The following ZNF670 variants were observed in gnomAD, a reference collection of about 807,000 sequenced individuals.
The protein encoded by ZNF670 is zinc finger protein 670.
ZNF670 carries 7 observed loss-of-function variants against 10.9 expected under a neutral mutation model. The ratio of observed to expected loss-of-function variants is 0.64; its 90% CI spans 0.36 to 1.20. The LOEUF (loss-of-function observed/expected upper bound fraction) is 1.20, where lower values mean the gene tolerates loss of function less well. Ranked by LOEUF, ZNF670 falls within the 50% of genes most tolerant of loss-of-function variation. The probability of loss-of-function intolerance (pLI) is 0.02; values close to 1 mark genes in which losing one functional copy is unlikely to be tolerated. For missense variants in ZNF670, 446 were observed against 458.6 expected (o/e 0.97, Z 0.25); for synonymous variants, 136 against 152.7 (o/e 0.89, Z 0.81).
chr1:247,057,184 G>C (rs1670740355), intron 1 of ZNF670, among the ~76,000 whole-genome samples: 1 of 152,082 alleles, frequency 6.6e-6, no homozygotes, highest in Non-Finnish European at 1.5e-5. Flanking sequence ...CCAAAAATGG[G>C]CAAATAATCC....
chr1:247,043,567 A>G lies in ZNF670; in HGVS notation c.4-4030T>C, dbSNP rs1253834141. 6 of 652,694 alleles carry G rather than the reference A, an allele frequency of 9.2e-6. 1 individual carries two copies. The highest frequency in any genetic ancestry group is 8.2e-5 in the South Asian group (6 of 73,344). 40.4% of individuals were successfully genotyped at this position (652,694 alleles called of 1,614,324 possible). On this transcript the variant is annotated intron_variant, in intron 1 of 3. Coordinates refer to ENST00000366503, the MANE Select transcript of ZNF670 (RefSeq NM_033213.5). ...AGGATGAACTTCAACAAAGCTTCCA[A>G]AAGTCTCACAATTCACTTCAGCATT... is the stretch of plus-strand genomic sequence containing the variant.
chr1:247,064,837 C>T (rs1670945748), intron 1 of ZNF670, among the ~76,000 whole-genome samples: 1 of 152,126 alleles, frequency 6.6e-6, no homozygotes, highest in Admixed American at 6.5e-5. Context: ...CTGGGTCTCA[C>T]TCTGTCACCC....
intron 1 of ZNF670, among the ~76,000 whole-genome samples, chr1:247,063,562 G>T (rs1318730345): frequency 7.7e-6 from 1 of 130,582 alleles, no homozygotes; most frequent in Non-Finnish European, 1.6e-5. Flanking sequence ...CAGCCTGGGC[G>T]ACAGAGCGAG....
intron 1 of ZNF670, among the ~76,000 whole-genome samples, chr1:247,048,768 G>A (rs1184595514): frequency 1.3e-5 from 2 of 152,170 alleles, no homozygotes; most frequent in Non-Finnish European, 1.5e-5. Context: ...ATGGTGGTAG[G>A]AAGAAGAATG....
intron 1 of ZNF670, among the ~76,000 whole-genome samples, chr1:247,072,797 AGTG>A (rs1396583131): frequency 4.9e-5 from 4 of 81,168 alleles, no homozygotes; most frequent in African/African-American, 1.7e-4. Context: ...CAAAAAAAAA[AGTG>A]TGTGTATATA....
rs182015261 is a variant in ZNF670, at chr1:247,063,826, C to T, written c.3+14768G>A. 4.6e-5 allele frequency among the ~76,000 whole-genome samples: 7 copies of T among 152,304 alleles called. No individual in the cohort carries two copies. The East Asian group carries it at 9.7e-4, about 21-fold the overall frequency. Reference sequence around the variant, plus strand: ...TCCTCCGATGACTCTCCCGTCACAGCCACACAATCTGAGGGAGACATGGGG... The same window carrying T: ...TCCTCCGATGACTCTCCCGTCACAGTCACACAATCTGAGGGAGACATGGGG... On this transcript the variant is annotated intron_variant, in intron 1 of 3. Transcript: ENST00000366503.
intron 1 of ZNF670, chr1:247,043,231 A>C: frequency 1.4e-6 from 1 of 691,948 alleles, no homozygotes; most frequent in East Asian, 3.4e-5. Flanking sequence ...GCACTGAAGG[A>C]GGACTTTGGA....
At chr1:247,070,809 T>TA (rs1191908059) in intron 1 of ZNF670, among the ~76,000 whole-genome samples, 1 of 151,882 alleles carries the variant, frequency 6.6e-6, no homozygotes, top group Non-Finnish European at 1.5e-5. Context: ...AACAACTCCA[T>TA]AAAAAAATGG....
intron 1 of ZNF670, among the ~76,000 whole-genome samples, chr1:247,058,050 C>T (rs1465224838): frequency 6.6e-6 from 1 of 152,142 alleles, no homozygotes; most frequent in African/African-American, 2.4e-5. Flanking sequence ...CCCATTTACC[C>T]TGGTACAATT....
chr1:247,054,779 A>C (rs1051957429), intron 1 of ZNF670, among the ~76,000 whole-genome samples: 2 of 152,180 alleles, frequency 1.3e-5, no homozygotes, highest in Non-Finnish European at 2.9e-5. Flanking sequence ...AGCAGAGTAA[A>C]AAGTAAAGGA....
chr1:247,074,727 C>G (rs1304806750), intron 1 of ZNF670, among the ~76,000 whole-genome samples: 1 of 152,030 alleles, frequency 6.6e-6, no homozygotes, highest in Admixed American at 6.5e-5. Flanking sequence ...CAGTAGGGTT[C>G]GTGCTCCTCT....
At chr1:247,043,396 A>G (rs1318151818) in intron 1 of ZNF670, 2 of 539,758 alleles carry the variant, frequency 3.7e-6, no homozygotes, top group Non-Finnish European at 6.8e-6. Flanking sequence ...AAGAAAGTTC[A>G]CCTAACTGAA....
chr1:247,062,461 A>G (rs184515343), intron 1 of ZNF670, among the ~76,000 whole-genome samples: 1 of 152,208 alleles, frequency 6.6e-6, no homozygotes, highest in Non-Finnish European at 1.5e-5. Context: ...TTTTATCTCT[A>G]CTGATGAAAT....
intron 1 of ZNF670, among the ~76,000 whole-genome samples, chr1:247,051,793 T>G (rs1405788561): frequency 2.0e-5 from 3 of 151,564 alleles, no homozygotes; most frequent in Non-Finnish European, 4.4e-5. Flanking sequence ...TTTTTTTTTT[T>G]TTTTTGTTTT....
At chr1:247,049,299 C>T (rs997404786) in intron 1 of ZNF670, among the ~76,000 whole-genome samples, 1 of 151,890 alleles carries the variant, frequency 6.6e-6, no homozygotes, top group Admixed American at 6.6e-5. Flanking sequence ...AACTCCTGAC[C>T]TCACGACCTG....
At position 247,047,229 on chromosome 1, in the gene ZNF670, G is replaced by A. The variant is rs1276526487; in HGVS notation, c.4-7692C>T. 2.0e-5 allele frequency among the ~76,000 whole-genome samples: 3 copies of A among 152,340 alleles called. No homozygotes were observed. In the East Asian group the frequency reaches 5.8e-4, roughly 29 times the overall value. ...AGCTCCACTAGGCAGTGCCTCAATGGGAGCTTTGTGTGGGAATTCCAACCC... is the reference window on the plus strand; with the variant it reads ...AGCTCCACTAGGCAGTGCCTCAATGAGAGCTTTGTGTGGGAATTCCAACCC... On this transcript the variant is annotated intron_variant, in intron 1 of 3. Transcript: ENST00000366503.
Position 247,036,162 on chromosome 1 carries a change from A to T in ZNF670, c.*1287T>A, listed in dbSNP as rs1448159988. 6.6e-6 allele frequency among the ~76,000 whole-genome samples: 1 copy of T among 152,224 alleles called. No homozygotes were observed. The highest frequency in any genetic ancestry group is 2.4e-5 in the African/African-American group (1 of 41,462). ...CAAAAACCACAAATCATCTCAATAG[A>T]TGCAGAAAAAAACATGTCATAAGAG... On this transcript the variant is annotated 3_prime_UTR_variant, in exon 4 of 4. Coordinates refer to ENST00000366503, the MANE Select transcript of ZNF670 (RefSeq NM_033213.5).
At chr1:247,051,407 G>A (rs2103059627) in intron 1 of ZNF670, among the ~76,000 whole-genome samples, 1 of 152,284 alleles carries the variant, frequency 6.6e-6, no homozygotes, top group Admixed American at 6.5e-5. Flanking sequence ...ATTCTTGGCT[G>A]ACAATTATTT....
chr1:247,069,656 C>T (rs1671070965), intron 1 of ZNF670, among the ~76,000 whole-genome samples: 1 of 152,068 alleles, frequency 6.6e-6, no homozygotes, highest in African/African-American at 2.4e-5. Flanking sequence ...GAGAACTATT[C>T]AGCCATAAGA....
Sources: allele counts gnomAD v4.1 joint callset (sites outside exome capture counted in the v4.1 genomes callset), GRCh38; gene constraint gnomAD v4.1.1; transcripts MANE v1.5; gene names NCBI Gene and HGNC (gene_info 2026-07-23, HGNC 2026-07-21).